Variants in S100Z observed in about 807,000 individuals in gnomAD.
The protein encoded by S100Z is S100 calcium binding protein Z.
In S100Z, 11 loss-of-function variants were observed where a neutral mutation model predicts 8.5. The ratio of observed to expected loss-of-function variants is 1.30; its 90% CI spans 0.82 to 2.15. S100Z has a LOEUF of 2.15. Ranked by LOEUF, S100Z falls within the 30% of genes most tolerant of loss-of-function variation. The pLI is 0.00. For synonymous variants in S100Z, 34 were observed against 43.8 expected, an observed-to-expected ratio of 0.78 and a Z score of 0.89; for missense variants, 126 against 117.9, an observed-to-expected ratio of 1.07 and a Z score of -0.32.
Position 76,866,128 on chromosome 5 carries a change from A to AGGCTCTGTCACCCG in S100Z, c.-175-4034_-175-4033insCTGTCACCCGGGCT, listed in dbSNP as rs1322854605. Reference sequence around the variant, plus strand: ...GAGACAGGGTGTTGCTCTGTCACCCAGGCTGGAGTGCAGTGTAGTGATCTT... The same window carrying AGGCTCTGTCACCCG: ...GAGACAGGGTGTTGCTCTGTCACCCAGGCTCTGTCACCCGGGCTGGAGTGCAGTGTAGTGATCTT... On this transcript the variant is annotated intron_variant, in intron 1 of 4. Coordinates refer to ENST00000317593, the MANE Select transcript of S100Z (RefSeq NM_130772.4). 4.4e-4 allele frequency among the ~76,000 whole-genome samples: 66 copies of AGGCTCTGTCACCCG among 151,440 alleles called. 1 individual carries two copies. The highest frequency in any genetic ancestry group is 1.5e-3 in the African/African-American group (62 of 41,108).
intron 4 of S100Z, among the ~76,000 whole-genome samples, chr5:76,904,512 C>T (rs1004749774): frequency 6.6e-6 from 1 of 152,132 alleles, no homozygotes; most frequent in African/African-American, 2.4e-5. Flanking sequence ...AACTCCTGAC[C>T]TCATGAGATA....
At chr5:76,855,052 T>G (rs1243377859) in intron 1 of S100Z, among the ~76,000 whole-genome samples, 1 of 152,240 alleles carries the variant, frequency 6.6e-6, no homozygotes, top group Non-Finnish European at 1.5e-5. Context: ...AGCCTGTGAG[T>G]GCACAGAATG....
At chr5:76,891,377 G>T (rs904798423) in intron 4 of S100Z, among the ~76,000 whole-genome samples, 2 of 152,132 alleles carry the variant, frequency 1.3e-5, no homozygotes, top group African/African-American at 4.8e-5. Context: ...TTTTTAAAGG[G>T]CATCAGGGGA....
At chr5:76,885,904 A>G in intron 4 of S100Z, among the ~76,000 whole-genome samples, 1 of 135,462 alleles carries the variant, frequency 7.4e-6, no homozygotes, top group African/African-American at 2.9e-5. Flanking sequence ...AGAGGCATGG[A>G]GAGAAGGAGT....
intron 4 of S100Z, among the ~76,000 whole-genome samples, chr5:76,886,446 C>T (rs771111258): frequency 7.9e-5 from 12 of 152,132 alleles, no homozygotes; most frequent in South Asian, 2.1e-4. Flanking sequence ...GCCACTTACC[C>T]GATTTAAAAT....
At chr5:76,905,945 C>G (rs1368209519) in intron 4 of S100Z, among the ~76,000 whole-genome samples, 3 of 152,154 alleles carry the variant, frequency 2.0e-5, no homozygotes, top group African/African-American at 7.2e-5. Flanking sequence ...CCTCCCACCT[C>G]AGCCTCCTGA....
intron 1 of S100Z, among the ~76,000 whole-genome samples, chr5:76,856,873 C>T (rs1411271896): frequency 6.6e-6 from 1 of 152,058 alleles, no homozygotes; most frequent in Non-Finnish European, 1.5e-5. Flanking sequence ...GATGAAATTG[C>T]CTAGGTTGAC....
chr5:76,880,869 T>C lies in S100Z; in HGVS notation c.*2+3035T>C, dbSNP rs542580560. Among the ~76,000 whole-genome samples the C allele has an allele frequency of 9.2e-5, 14 of 152,274 alleles. No individual in the cohort carries two copies. In the South Asian group the frequency reaches 2.3e-3, roughly 25 times the overall value. On this transcript the variant is annotated intron_variant, in intron 4 of 4. Coordinates refer to ENST00000317593, the MANE Select transcript of S100Z (RefSeq NM_130772.4). ...CCCTTTTTTTCTTCATTTAAAAATA[T>C]ACAAGAGTACCCCTTTTTTAGTCAG...
At chr5:76,922,145 C>T (rs531939304), downstream of S100Z, among the ~76,000 whole-genome samples, 52 of 152,116 alleles carry the variant, frequency 3.4e-4, no homozygotes, top group Non-Finnish European at 6.3e-4. Flanking sequence ...ATCAAGGTTC[C>T]CCTAACCTTG....
intron 4 of S100Z, among the ~76,000 whole-genome samples, chr5:76,897,469 A>T (rs868393711): frequency 5.6e-5 from 8 of 143,800 alleles, no homozygotes; most frequent in East Asian, 1.9e-4. Context: ...ATAATAATAA[A>T]AATAAAAAAA....
rs574402201 is a variant in S100Z at position 76,858,956 on chromosome 5, C to CA, written c.-176+8809dup. ...TGAAGTGTTGTCTCTACTAAAAATACAAAAAAAATTAGCCAGGCATGAGAG... is the reference window on the plus strand; with the variant it reads ...TGAAGTGTTGTCTCTACTAAAAATACAAAAAAAAATTAGCCAGGCATGAGAG... On this transcript the variant is annotated intron_variant, in intron 1 of 4. Coordinates refer to ENST00000317593, the MANE Select transcript of S100Z (RefSeq NM_130772.4). Among the ~76,000 whole-genome samples the CA allele has an allele frequency of 6.3e-3, 959 of 151,770 alleles. 5 individuals are homozygous for CA. Among genetic ancestry groups the CA allele is most frequent in the South Asian group, 0.019 (93 of 4,782 alleles).
chr5:76,898,299 C>A (rs764075459), intron 4 of S100Z, among the ~76,000 whole-genome samples: 1 of 152,014 alleles, frequency 6.6e-6, no homozygotes, highest in Non-Finnish European at 1.5e-5. Context: ...TACAAGCATG[C>A]ACATCATGCC....
At chr5:76,893,923 A>G (rs1056203809) in intron 4 of S100Z, among the ~76,000 whole-genome samples, 1 of 152,164 alleles carries the variant, frequency 6.6e-6, no homozygotes, top group African/African-American at 2.4e-5. Context: ...CATTATCTTG[A>G]GGCATTTAAA....
At chr5:76,850,577 G>A (rs1337971017) in intron 1 of S100Z, among the ~76,000 whole-genome samples, 1 of 152,174 alleles carries the variant, frequency 6.6e-6, no homozygotes, top group African/African-American at 2.4e-5. Flanking sequence ...TCCACGCCGT[G>A]ATTTCGCTTC....
At chr5:76,908,869 G>A (rs759780672) in intron 4 of S100Z, among the ~76,000 whole-genome samples, 8 of 152,112 alleles carry the variant, frequency 5.3e-5, no homozygotes, top group African/African-American at 1.4e-4. Flanking sequence ...ACAGGTTTTC[G>A]AGAATGCATC....
chr5:76,933,595 G>A, the S100Z span, among the ~76,000 whole-genome samples: 55,463 of 152,038 alleles, frequency 0.36, 12,002 homozygotes, highest in South Asian at 0.64. Context: ...CCTGTACTAA[G>A]TAAACACTTT....
the S100Z span, among the ~76,000 whole-genome samples, chr5:76,937,347 G>A: frequency 1.3e-5 from 2 of 151,632 alleles, no homozygotes; most frequent in Non-Finnish European, 2.9e-5. Flanking sequence ...TTTTTTTAAA[G>A]AACTAGAGTG....
chr5:76,912,193 TATCAGAC>T (rs1744689198), intron 4 of S100Z, among the ~76,000 whole-genome samples: 1 of 152,164 alleles, frequency 6.6e-6, no homozygotes, highest in Non-Finnish European at 1.5e-5. Context: ...AGTTTATGGG[TATCAGAC>T]ATCCGCCTAC....
intron 2 of S100Z, among the ~76,000 whole-genome samples, chr5:76,874,225 G>T: frequency 2.7e-5 from 4 of 145,720 alleles, no homozygotes; most frequent in African/African-American, 5.0e-5. Context: ...ACTGTCCTTT[G>T]GGTTAGTTTA....
Sources: allele counts gnomAD v4.1 joint callset (sites outside exome capture counted in the v4.1 genomes callset), GRCh38; gene constraint gnomAD v4.1.1; transcripts MANE v1.5; gene names NCBI Gene and HGNC (gene_info 2026-07-23, HGNC 2026-07-21).